Variants in TMEM135 observed in about 807,000 individuals in gnomAD.
The protein encoded by TMEM135 is transmembrane protein 135.
TMEM135 carries 30 observed loss-of-function variants against 60.3 expected under a neutral mutation model. The observed-to-expected ratio is 0.50, with a 90% CI of 0.37 to 0.68. The LOEUF (loss-of-function observed/expected upper bound fraction) is 0.68. Among genes scored for constraint, TMEM135 ranks in the 30% least tolerant of loss-of-function variants. The probability of loss-of-function intolerance (pLI) is 0.00; values close to 1 mark genes in which losing one functional copy is unlikely to be tolerated. For missense variants in TMEM135, 468 were observed against 548.8 expected (o/e 0.85, Z 1.47); for synonymous variants, 190 against 186.7 (o/e 1.02, Z -0.14).
chr11:87,115,565 T>C (rs1034774050), intron 4 of TMEM135, among the ~76,000 whole-genome samples: 1 of 152,146 alleles, frequency 6.6e-6, no homozygotes, highest in Non-Finnish European at 1.5e-5. Context: ...GGTATATAAA[T>C]TGTGCAATTT....
chr11:87,284,744 G>A (rs2135423544), intron 6 of TMEM135, among the ~76,000 whole-genome samples: 1 of 152,330 alleles, frequency 6.6e-6, no homozygotes, highest in African/African-American at 2.4e-5. Context: ...GATATAATGT[G>A]TTCATAAAGG....
chr11:87,163,794 A>G (rs1189135207), intron 5 of TMEM135, among the ~76,000 whole-genome samples: 12 of 143,236 alleles, frequency 8.4e-5, no homozygotes, highest in African/African-American at 1.6e-4. Flanking sequence ...GCCAGTGATG[A>G]TGAGCATTTT....
chr11:87,209,882 A>G (rs769357255), intron 5 of TMEM135, among the ~76,000 whole-genome samples: 1 of 152,176 alleles, frequency 6.6e-6, no homozygotes, highest in Non-Finnish European at 1.5e-5. Context: ...TTAAAACCAT[A>G]CAATTACATG....
At chr11:87,077,330 CT>C (rs1173102566) in intron 3 of TMEM135, among the ~76,000 whole-genome samples, 2 of 152,236 alleles carry the variant, frequency 1.3e-5, no homozygotes, top group East Asian at 3.9e-4. Context: ...AAGCTTATTC[CT>C]TTTTTATTGC....
At chr11:87,307,790 A>G (rs780312221) in intron 9 of TMEM135, among the ~76,000 whole-genome samples, 2 of 152,166 alleles carry the variant, frequency 1.3e-5, no homozygotes, top group Non-Finnish European at 2.9e-5. Flanking sequence ...TAATTACACC[A>G]TATGTTAAAT....
At chr11:87,140,887 T>C (rs1415699729) in intron 4 of TMEM135, among the ~76,000 whole-genome samples, 1 of 152,208 alleles carries the variant, frequency 6.6e-6, no homozygotes, top group Non-Finnish European at 1.5e-5. Flanking sequence ...AAGAACCTAT[T>C]GATTCTCCAT....
chr11:87,238,405 T>C (rs1941054409), intron 6 of TMEM135, among the ~76,000 whole-genome samples: 1 of 152,028 alleles, frequency 6.6e-6, no homozygotes, highest in Non-Finnish European at 1.5e-5. Flanking sequence ...AGGGGAAACA[T>C]AGATGACGAG....
intron 6 of TMEM135, among the ~76,000 whole-genome samples, chr11:87,258,142 A>G (rs1194066606): frequency 6.6e-6 from 1 of 151,308 alleles, no homozygotes; most frequent in Admixed American, 6.6e-5. Context: ...TATTGATTAT[A>G]TTTTACACAA....
At position 87,060,056 on chromosome 11, in the gene TMEM135, T is replaced by C. The variant is rs1278095543; in HGVS notation, c.142-7638T>C. Among the ~76,000 whole-genome samples the C allele has an allele frequency of 2.6e-5, 4 of 152,026 alleles. No homozygotes were observed. In the East Asian group the frequency reaches 7.7e-4, roughly 29 times the overall value. On this transcript the variant is annotated intron_variant, in intron 1 of 14. Transcript: ENST00000305494. Reference sequence around the variant, plus strand: ...TTGAACCGGGAGGTGTAGGTTGCTGTGGGCGGAGATCGCGCCACTGCACTC... The same window carrying C: ...TTGAACCGGGAGGTGTAGGTTGCTGCGGGCGGAGATCGCGCCACTGCACTC...
intron 4 of TMEM135, among the ~76,000 whole-genome samples, chr11:87,117,467 T>C (rs1371920863): frequency 1.3e-5 from 2 of 152,230 alleles, no homozygotes; most frequent in Non-Finnish European, 2.9e-5. Flanking sequence ...ATTAAGTTTA[T>C]GTAATATTCT....
intron 6 of TMEM135, among the ~76,000 whole-genome samples, chr11:87,282,704 G>C (rs951262250): frequency 1.3e-5 from 2 of 152,166 alleles, no homozygotes; most frequent in African/African-American, 4.8e-5. Flanking sequence ...CCCTTTACTT[G>C]TCTGTAATAT....
chr11:87,241,985 C>T (rs943850497), intron 6 of TMEM135, among the ~76,000 whole-genome samples: 2 of 151,796 alleles, frequency 1.3e-5, no homozygotes, highest in East Asian at 3.9e-4. Flanking sequence ...AGGAGATATA[C>T]CTAATGCTCT....
chr11:87,316,024 C>T (rs1942722654), intron 12 of TMEM135, among the ~76,000 whole-genome samples: 1 of 151,862 alleles, frequency 6.6e-6, no homozygotes, highest in African/African-American at 2.4e-5. Flanking sequence ...TCAGTCTTCT[C>T]TGTAATGGCT....
chr11:87,130,398 G>A (rs1294353511), intron 4 of TMEM135, among the ~76,000 whole-genome samples: 1 of 152,096 alleles, frequency 6.6e-6, no homozygotes, highest in Non-Finnish European at 1.5e-5. Context: ...TGAACAAACT[G>A]GAAGTTAGGA....
At position 87,259,322 on chromosome 11, in the gene TMEM135, G is replaced by T. The variant is rs139725580; in HGVS notation, c.509+22638G>T. 1.9e-3 allele frequency: 619 copies of T among 324,964 alleles called. 9 individuals are homozygous for T. Among genetic ancestry groups the T allele is most frequent in the African/African-American group, 0.012 (575 of 46,696 alleles). 20.1% of individuals were successfully genotyped at this position (324,964 alleles called of 1,614,324 possible). A position where few individuals can be genotyped will look rare whatever the true frequency, so the allele number is the denominator to read the frequency against. ...AGGGAAAAGATATTTCCAAACCACT[G>T]TACTTGCCATGGATAATTTTTGAAA... is the stretch of plus-strand genomic sequence containing the variant. On this transcript the variant is annotated intron_variant, in intron 6 of 14. Coordinates refer to ENST00000305494, the MANE Select transcript of TMEM135 (RefSeq NM_022918.4).
rs869273724 is a variant in TMEM135, at chr11:87,291,515, A to ATT, written c.510-4234_510-4233dup. On this transcript the variant is annotated intron_variant, in intron 6 of 14. Coordinates refer to ENST00000305494, the MANE Select transcript of TMEM135 (RefSeq NM_022918.4). ...TGTAAGTCTATCCAGCAGCCAAGTG[A>ATT]TTTTTTTTTTTTTTTTTTTTTTTTT... Among the ~76,000 whole-genome samples, 227 of 50,572 alleles carry ATT rather than the reference A, an allele frequency of 4.5e-3. 21 individuals are homozygous for ATT. The highest frequency in any genetic ancestry group is 0.015 in the East Asian group (20 of 1,378). 33.2% of individuals were successfully genotyped at this position (50,572 alleles called of 152,430 possible). A position where few individuals can be genotyped will look rare whatever the true frequency, so the allele number is the denominator to read the frequency against.
rs12289978 is a variant in TMEM135 at position 87,055,815 on chromosome 11, T to G, written c.142-11879T>G. Among the ~76,000 whole-genome samples, 3 of 152,038 alleles carry G rather than the reference T, an allele frequency of 2.0e-5. No homozygotes were observed. The South Asian group carries it at 6.2e-4, about 32-fold the overall frequency. On this transcript the variant is annotated intron_variant, in intron 1 of 14. Coordinates refer to ENST00000305494, the MANE Select transcript of TMEM135 (RefSeq NM_022918.4). ...ATGTTGGTCAGGCTGGTCTCGAACT[T>G]CTGACCTCAAGTGATCCACCCGCCT...
At chr11:87,229,069 A>G (rs1940830751) in intron 5 of TMEM135, among the ~76,000 whole-genome samples, 1 of 152,088 alleles carries the variant, frequency 6.6e-6, no homozygotes, top group Non-Finnish European at 1.5e-5. Context: ...AGAAAACACT[A>G]TTTTCCAGCT....
chr11:87,232,310 A>G (rs1348119036), intron 5 of TMEM135, among the ~76,000 whole-genome samples: 1 of 152,072 alleles, frequency 6.6e-6, no homozygotes, highest in East Asian at 1.9e-4. Context: ...AGTTGTGGGT[A>G]ACCTATTCAT....
Sources: allele counts gnomAD v4.1 joint callset (sites outside exome capture counted in the v4.1 genomes callset), GRCh38; gene constraint gnomAD v4.1.1; transcripts MANE v1.5; gene names NCBI Gene and HGNC (gene_info 2026-07-23, HGNC 2026-07-21).